FXR2: variants seen among roughly 807,000 people sequenced by gnomAD.
FXR2 encodes the protein FMR1 autosomal homolog 2.
A neutral mutation model predicts 87.3 loss-of-function variants in FXR2; 9 were observed. That is an observed-to-expected ratio of 0.10 (90% CI 0.06 to 0.18). The LOEUF (loss-of-function observed/expected upper bound fraction) is 0.18. Among genes scored for constraint, FXR2 ranks in the 10% least tolerant of loss-of-function variants. FXR2 has a pLI of 1.00. For synonymous variants in FXR2, 331 were observed against 328.3 expected (o/e 1.01, Z -0.09); for missense variants, 661 against 893.6 (o/e 0.74, Z 3.32).
intron 2 of FXR2, 53 bp downstream of exon 2, chr17:7,606,044 C>CCACT (rs1008812733): frequency 5.8e-6 from 7 of 1,203,564 alleles, no homozygotes; most frequent in Non-Finnish European, 8.4e-6. Flanking sequence ...CCCCTCTTCT[C>CCACT]CACTCTCCTT....
chr17:7,598,450 G>A (rs997427122), intron 7 of FXR2, among the ~76,000 whole-genome samples: 6 of 151,942 alleles, frequency 3.9e-5, no homozygotes, highest in Non-Finnish European at 8.8e-5. Flanking sequence ...GCGAGACTCC[G>A]TCTCAAAAAC....
Position 7,609,899 on chromosome 17 carries a change from C to T in FXR2, c.82-3750G>A, listed in dbSNP as rs950171311. On this transcript the variant is annotated intron_variant, in intron 1 of 16. Coordinates refer to ENST00000250113, the MANE Select transcript of FXR2 (RefSeq NM_004860.4). The stretch of plus-strand genomic sequence containing the variant: ...ATGTATACATATACATATATATACA[C>T]ATACATATATATGTATATATACATG... Among the ~76,000 whole-genome samples the T allele has an allele frequency of 7.3e-5, 10 of 137,310 alleles. No homozygotes were observed. The East Asian group carries it at 1.5e-3, about 20-fold the overall frequency. The allele number at this position is 137,310 out of a possible 152,430, so 90.1% of individuals were successfully genotyped here.
rs2071680037 is a variant in FXR2, at chr17:7,593,148, G to A, written c.1364C>T (p.Thr455Ile). 1 of 1,548,022 alleles carries A rather than the reference G, an allele frequency of 6.5e-7. No homozygotes were observed. Among genetic ancestry groups the A allele is most frequent in the Admixed American group, 2.1e-5 (1 of 47,902 alleles). Residue 455 changes from threonine to isoleucine, a missense_variant, in exon 13 of 17, where the codon ACT becomes ATT. Thr to Ile is a moderately conservative substitution (Grantham distance 89). Around this residue, in one of 3 missense-constraint regions of FXR2, gnomAD observed 409 missense variants for 432.0 expected, o/e 0.95. Coordinates refer to ENST00000250113, the MANE Select transcript of FXR2 (RefSeq NM_004860.4). This position sits in a 1 kb window ranked among gnomAD's most constrained non-coding sequence, Gnocchi z 6.1. ...PSSDVSTASE[T>I]ESEKREEPNR... ...GGGCTCCTCTCTCTTCTCTGACTCA[G>A]TCTCTGAAGCTGTAGACACATCTGA...
At position 7,592,501 on chromosome 17, in the gene FXR2, G is replaced by A. The variant is rs1051839036; in HGVS notation, c.1825+3C>T. ...AGGATTCTGGTGTCCAGAGTTGGCT[G>A]ACCTGGCTGGCGGTCTCCACTGATA... On this transcript the variant is annotated splice_donor_region_variant and intron_variant, in intron 15 of 16. Coordinates refer to ENST00000250113, the MANE Select transcript of FXR2 (RefSeq NM_004860.4). This position sits in a 1 kb window ranked among gnomAD's most constrained non-coding sequence, Gnocchi z 4.8. 7 of 1,613,032 alleles carry A rather than the reference G, an allele frequency of 4.3e-6. No individual in the cohort carries two copies. Among genetic ancestry groups the A allele is most frequent in the Non-Finnish European group, 5.9e-6 (7 of 1,179,138 alleles).
Position 7,609,169 on chromosome 17 carries a change from C to A in FXR2, c.82-3020G>T, listed in dbSNP as rs191874812. Among the ~76,000 whole-genome samples, 312 of 152,276 alleles carry A rather than the reference C, an allele frequency of 2.0e-3. 1 individual carries two copies. Among genetic ancestry groups the A allele is most frequent in the Non-Finnish European group, 3.3e-3 (225 of 68,008 alleles). On this transcript the variant is annotated intron_variant, in intron 1 of 16. Transcript: ENST00000250113. ...TTAGAGGTTTCAAAAGGCTAATACA[C>A]AAGAACTATTCATGAGCTTTGCTGC...
chr17:7,601,314 CTT>C (rs1190874391), intron 7 of FXR2, 93 bp downstream of exon 7: 1 of 762,186 alleles, frequency 1.3e-6, no homozygotes, highest in South Asian at 1.5e-5. Context: ...AAGCCTTAGT[CTT>C]TGTTCTGTAA....
chr17:7,594,380 AT>A lies in FXR2; in HGVS notation c.911-34del, dbSNP rs761311101. 4.3e-5 allele frequency: 58 copies of A among 1,356,192 alleles called. No homozygotes were observed. Among genetic ancestry groups the A allele is most frequent in the Non-Finnish European group, 5.5e-5 (52 of 951,008 alleles). The allele number at this position is 1,356,192 out of a possible 1,614,324, so 84.0% of individuals were successfully genotyped here. A position where few individuals can be genotyped will look rare whatever the true frequency, so the allele number is the denominator to read the frequency against. On this transcript the variant is annotated intron_variant, in intron 9 of 16. Transcript: ENST00000250113. The surrounding 1 kb of genome is among the most constrained non-coding windows in gnomAD (Gnocchi z 5.1). ...AGGTAAATGAGGAATTCAGCCTTTT[AT>A]TTTTTTTAAGGAAATAAGAATAAAG...
chr17:7,593,083 C>G lies in FXR2; in HGVS notation c.1429G>C (p.Gly477Arg), dbSNP rs768027478. ...GPGDRDPPTR[G>R]EESRRRPTGG... ...GTCGGCCGCCTCCGGCTTTCTTCCCCTCGGGTTGGGGGATCCCTGTCGCCA... is the reference window on the plus strand; with the variant it reads ...GTCGGCCGCCTCCGGCTTTCTTCCCGTCGGGTTGGGGGATCCCTGTCGCCA... The change falls in exon 13 of 17, where the codon GGG becomes CGG. Residue 477 changes from glycine to arginine, a missense_variant. Transcript: ENST00000250113. This position sits in a 1 kb window ranked among gnomAD's most constrained non-coding sequence, Gnocchi z 6.1. 2.5e-6 allele frequency: 4 copies of G among 1,593,726 alleles called. No individual in the cohort carries two copies. The highest frequency in any genetic ancestry group is 3.4e-6 in the Non-Finnish European group (4 of 1,171,410).
At chr17:7,599,755 G>A (rs1011514319) in intron 7 of FXR2, among the ~76,000 whole-genome samples, 2 of 151,996 alleles carry the variant, frequency 1.3e-5, no homozygotes, top group African/African-American at 4.8e-5. Context: ...GCACACACCT[G>A]TAATCCCAGC....
chr17:7,597,705 G>A (rs942872974), intron 7 of FXR2, among the ~76,000 whole-genome samples: 39 of 152,074 alleles, frequency 2.6e-4, no homozygotes, highest in Admixed American at 2.3e-3. Context: ...CGCTGCACCC[G>A]GCCCCTTTCC....
At chr17:7,605,144 G>A (rs2071792940) in intron 3 of FXR2, among the ~76,000 whole-genome samples, 1 of 143,066 alleles carries the variant, frequency 7.0e-6, no homozygotes, top group Non-Finnish European at 1.5e-5. Flanking sequence ...TGAGGCGGGT[G>A]GATCACCTGA....
At chr17:7,614,369 A>G in intron 1 of FXR2, 83 bp downstream of exon 1, 1 of 1,027,492 alleles carries the variant, frequency 9.7e-7, no homozygotes, top group East Asian at 2.6e-5. Flanking sequence ...CAGCTCCAGA[A>G]GCTCGATCCC....
At chr17:7,606,962 G>A (rs1457745670) in intron 1 of FXR2, among the ~76,000 whole-genome samples, 1 of 151,966 alleles carries the variant, frequency 6.6e-6, no homozygotes, top group Non-Finnish European at 1.5e-5. Context: ...TTCTAATTTT[G>A]AAAAAGGTCT....
rs755275811 is a variant in FXR2 at position 7,592,624 on chromosome 17, T to C, written c.1730-25A>G. The C allele has an allele frequency of 6.2e-7, 1 of 1,610,342 alleles. No homozygotes were observed. Among genetic ancestry groups the C allele is most frequent in the East Asian group, 2.2e-5 (1 of 44,756 alleles). On this transcript the variant is annotated intron_variant, in intron 14 of 16. Transcript: ENST00000250113. This position sits in a 1 kb window ranked among gnomAD's most constrained non-coding sequence, Gnocchi z 4.8. ...TCTGTAGGGTAGGAAAAAACCAGAGTCACACATCCAACCTCCCACCCTCGA... is the reference window on the plus strand; with the variant it reads ...TCTGTAGGGTAGGAAAAAACCAGAGCCACACATCCAACCTCCCACCCTCGA...
chr17:7,603,550 A>G (rs951770399), intron 5 of FXR2, among the ~76,000 whole-genome samples: 1 of 151,384 alleles, frequency 6.6e-6, no homozygotes, highest in African/African-American at 2.4e-5. Context: ...AAAAAGAAAG[A>G]AAGGAAAAGA....
intron 1 of FXR2, among the ~76,000 whole-genome samples, chr17:7,609,955 CATATATATACATGTATATGTATACATAT>C (rs1567753822): frequency 2.3e-5 from 2 of 86,414 alleles, no homozygotes; most frequent in Non-Finnish European, 4.9e-5. Context: ...TATATGTATA[CATATATATACATGTATATGTATACATAT>C]ATATATACAT....
chr17:7,594,076 C>A lies in FXR2; in HGVS notation c.1021-72G>T. ...TGGAAGGATTAACGCCGCCCAGTCT[C>A]CTAGGGGAGCCTGCCCAGTGGGATC... On this transcript the variant is annotated intron_variant, in intron 10 of 16. Coordinates refer to ENST00000250113, the MANE Select transcript of FXR2 (RefSeq NM_004860.4). This position sits in a 1 kb window ranked among gnomAD's most constrained non-coding sequence, Gnocchi z 5.1. The A allele has an allele frequency of 1.9e-6, 2 of 1,055,992 alleles. No individual in the cohort carries two copies. Among genetic ancestry groups the A allele is most frequent in the Admixed American group, 1.8e-5 (1 of 57,068 alleles). 65.4% of individuals were successfully genotyped at this position (1,055,992 alleles called of 1,614,324 possible).
intron 7 of FXR2, among the ~76,000 whole-genome samples, chr17:7,597,949 T>TGGTCAGGAGACCAAATATGTATCTC (rs2071721488): frequency 6.6e-6 from 1 of 150,828 alleles, no homozygotes; most frequent in Non-Finnish European, 1.5e-5. Context: ...GCCAGGAGCC[T>TGGTCAGGAGACCAAATATGTATCTC]GGTCAGGAGA....
intron 1 of FXR2, among the ~76,000 whole-genome samples, chr17:7,612,815 T>C (rs1429174300): frequency 6.6e-6 from 1 of 151,348 alleles, no homozygotes; most frequent in Non-Finnish European, 1.5e-5. Flanking sequence ...GCTAACACAG[T>C]GAAACCCCGT....
Sources: allele counts gnomAD v4.1 joint callset (sites outside exome capture counted in the v4.1 genomes callset), GRCh38; gene constraint gnomAD v4.1.1; regional missense constraint gnomAD v4.1.1; non-coding constraint Gnocchi (gnomAD v3.1); transcripts MANE v1.5; gene names NCBI Gene and HGNC (gene_info 2026-07-23, HGNC 2026-07-21).